Variants in KLF12 observed in about 807,000 individuals in gnomAD.
KLF12 encodes the protein KLF transcription factor 12.
Under a neutral mutation model 37.8 loss-of-function variants are expected in KLF12, and 9 were observed. The observed-to-expected ratio is 0.24, with a 90% CI of 0.14 to 0.42. The LOEUF is 0.42. Among genes scored for constraint, KLF12 ranks in the 10% least tolerant of loss-of-function variants. The probability of loss-of-function intolerance (pLI) is 1.00; values close to 1 mark genes in which losing one functional copy is unlikely to be tolerated. For synonymous variants in KLF12, 208 were observed against 202.1 expected (o/e 1.03, Z -0.25); for missense variants, 411 against 516.0 (o/e 0.80, Z 1.97).
intron 6 of KLF12, among the ~76,000 whole-genome samples, chr13:73,733,541 C>T (rs777309970): frequency 1.3e-5 from 2 of 152,040 alleles, no homozygotes; most frequent in Non-Finnish European, 2.9e-5. Context: ...TACACACATG[C>T]ACACTCACAC....
chr13:74,134,623 A>G (rs1246893348), upstream of KLF12, among the ~76,000 whole-genome samples: 2 of 151,310 alleles, frequency 1.3e-5, no homozygotes, highest in Admixed American at 6.6e-5. Flanking sequence ...GGCACCCCAA[A>G]TAACCCACAC....
At chr13:74,270,592 C>T in the KLF12 span, among the ~76,000 whole-genome samples, 10 of 152,212 alleles carry the variant, frequency 6.6e-5, no homozygotes, top group Non-Finnish European at 1.0e-4. Flanking sequence ...CATCAATATA[C>T]ATCTCTTCAT....
At chr13:74,004,924 AC>A (rs1892372450) in intron 1 of KLF12, among the ~76,000 whole-genome samples, 1 of 151,448 alleles carries the variant, frequency 6.6e-6, no homozygotes, top group Non-Finnish European at 1.5e-5. Context: ...TGATATCCAA[AC>A]CTGTGCACAG....
chr13:74,180,234 T>A, the KLF12 span, among the ~76,000 whole-genome samples: 2 of 152,156 alleles, frequency 1.3e-5, no homozygotes, highest in Non-Finnish European at 2.9e-5. Flanking sequence ...CTTAACAAAT[T>A]GAAAAAAGGA....
chr13:74,207,271 G>A, the KLF12 span, among the ~76,000 whole-genome samples: 3 of 152,214 alleles, frequency 2.0e-5, no homozygotes, highest in Admixed American at 2.0e-4. Flanking sequence ...ACAGTGGTAA[G>A]TTTTCAATAC....
chr13:73,898,016 T>C (rs1212798152), intron 3 of KLF12, among the ~76,000 whole-genome samples: 2 of 152,168 alleles, frequency 1.3e-5, no homozygotes, highest in Non-Finnish European at 2.9e-5. Flanking sequence ...GGGGTCCTTG[T>C]AAAGATAGTT....
the KLF12 span, among the ~76,000 whole-genome samples, chr13:74,241,869 G>A: frequency 3.9e-5 from 6 of 152,250 alleles, no homozygotes; most frequent in Non-Finnish European, 5.9e-5. Flanking sequence ...AGATGAACCC[G>A]GTACCTCAGA....
At chr13:73,869,129 T>TA (rs1257819590) in intron 3 of KLF12, among the ~76,000 whole-genome samples, 1 of 152,098 alleles carries the variant, frequency 6.6e-6, no homozygotes, top group Admixed American at 6.5e-5. Context: ...TATACAATTT[T>TA]AAAAAAACTT....
intron 1 of KLF12, among the ~76,000 whole-genome samples, chr13:74,019,996 T>C (rs1015559410): frequency 2.8e-4 from 42 of 152,326 alleles, no homozygotes; most frequent in Middle Eastern, 3.4e-3. Context: ...TGTGGCCATG[T>C]CTTAAAGGTG....
chr13:73,921,205 C>T (rs1418179545), intron 3 of KLF12, among the ~76,000 whole-genome samples: 1 of 152,078 alleles, frequency 6.6e-6, no homozygotes, highest in Non-Finnish European at 1.5e-5. Context: ...TCTGGCCCCT[C>T]TTGATGTTTC....
At chr13:74,117,352 A>G (rs548054838) in intron 1 of KLF12, among the ~76,000 whole-genome samples, 1 of 152,358 alleles carries the variant, frequency 6.6e-6, no homozygotes, top group South Asian at 2.1e-4. Flanking sequence ...CTGGGCCACA[A>G]GAGCAAATCT....
At chr13:74,243,641 G>A in the KLF12 span, among the ~76,000 whole-genome samples, 5 of 152,088 alleles carry the variant, frequency 3.3e-5, no homozygotes, top group Non-Finnish European at 7.4e-5. Flanking sequence ...TTTAATGGTC[G>A]CCATTCTAAC....
rs926568674 is a variant in KLF12 at position 73,869,506 on chromosome 13, G to C, written c.124-23133C>G. On this transcript the variant is annotated intron_variant, in intron 3 of 7. Coordinates refer to ENST00000377669, the MANE Select transcript of KLF12 (RefSeq NM_007249.5). ...CAAGTATAGCAATATATATTTTTCA[G>C]GGTTTAATTTTACATTTTCAAAATT... Among the ~76,000 whole-genome samples the C allele has an allele frequency of 4.1e-4, 63 of 151,900 alleles. 1 individual carries two copies. Among genetic ancestry groups the C allele is most frequent in the African/African-American group, 1.5e-3 (63 of 41,374 alleles).
chr13:73,790,644 CA>C (rs1207324870), intron 5 of KLF12, among the ~76,000 whole-genome samples: 1 of 152,244 alleles, frequency 6.6e-6, no homozygotes, highest in Non-Finnish European at 1.5e-5. Flanking sequence ...GCTGACACTG[CA>C]TAGAAAGCAT....
At chr13:74,113,546 C>T (rs1444264199) in intron 1 of KLF12, among the ~76,000 whole-genome samples, 2 of 152,190 alleles carry the variant, frequency 1.3e-5, no homozygotes, top group African/African-American at 4.8e-5. Context: ...CATCTACTTA[C>T]AGCATGGTTT....
rs1302576066 is a variant in KLF12, at chr13:73,689,208, A to G, written c.*6282T>C. 2.0e-5 allele frequency: 3 copies of G among 152,064 alleles called. No homozygotes were observed. The highest frequency in any genetic ancestry group is 7.2e-5 in the African/African-American group (3 of 41,400). 9.4% of individuals were successfully genotyped at this position (152,064 alleles called of 1,614,324 possible). Reference sequence around the variant, plus strand: ...AGGAACCCAGCAGCTTTCCTTTGACACTTAATTGGTTATTTTACCCCCTTA... The same window carrying G: ...AGGAACCCAGCAGCTTTCCTTTGACGCTTAATTGGTTATTTTACCCCCTTA... On this transcript the variant is annotated 3_prime_UTR_variant, in exon 8 of 8. Transcript: ENST00000377669.
At chr13:73,826,051 C>T (rs1280838128) in intron 4 of KLF12, among the ~76,000 whole-genome samples, 2 of 152,012 alleles carry the variant, frequency 1.3e-5, no homozygotes, top group East Asian at 3.9e-4. Context: ...CGGCTCACTG[C>T]AAGCTCCGCC....
At chr13:74,265,704 T>C in the KLF12 span, among the ~76,000 whole-genome samples, 2 of 152,174 alleles carry the variant, frequency 1.3e-5, no homozygotes, top group Non-Finnish European at 2.9e-5. Flanking sequence ...CATCCTCTTC[T>C]TTTTCCCTTC....
At chr13:73,898,320 C>A (rs1887883467) in intron 3 of KLF12, among the ~76,000 whole-genome samples, 1 of 152,188 alleles carries the variant, frequency 6.6e-6, no homozygotes, top group Admixed American at 6.5e-5. Context: ...TCTTCAGATA[C>A]AAAGGACAAC....
Sources: allele counts gnomAD v4.1 joint callset (sites outside exome capture counted in the v4.1 genomes callset), GRCh38; gene constraint gnomAD v4.1.1; transcripts MANE v1.5; gene names NCBI Gene and HGNC (gene_info 2026-07-23, HGNC 2026-07-21).